The following NFATC2 variants were observed in gnomAD, a reference collection of about 807,000 sequenced individuals.
NFATC2 encodes the protein nuclear factor of activated T-cells, cytoplasmic 2.
Under a neutral mutation model 87.3 loss-of-function variants are expected in NFATC2, and 22 were observed. The ratio of observed to expected loss-of-function variants is 0.25; its 90% CI spans 0.18 to 0.36. The LOEUF is 0.36. NFATC2 is among the 10% of genes least tolerant of loss of function. NFATC2 has a pLI of 1.00. For missense variants in NFATC2, 1,149 were observed against 1,259.1 expected (o/e 0.91, Z 1.32); for synonymous variants, 565 against 542.2 (o/e 1.04, Z -0.58).
chr20:51,540,821 G>A (rs945295326), intron 1 of NFATC2, among the ~76,000 whole-genome samples: 5 of 151,742 alleles, frequency 3.3e-5, no homozygotes, highest in African/African-American at 1.2e-4. Flanking sequence ...CACCCCACCC[G>A]ACAAGGAAAA....
intron 4 of NFATC2, among the ~76,000 whole-genome samples, chr20:51,474,598 A>G (rs1202663433): frequency 8.5e-5 from 13 of 152,244 alleles, no homozygotes; most frequent in Admixed American, 8.5e-4. Flanking sequence ...CAAACAGTTC[A>G]GGAAAAAACG....
chr20:51,488,465 G>T (rs529211570), intron 3 of NFATC2, among the ~76,000 whole-genome samples: 57 of 152,294 alleles, frequency 3.7e-4, no homozygotes, highest in African/African-American at 1.4e-3. Flanking sequence ...CTACCCAGTA[G>T]GTAGCAGCAG....
At chr20:51,470,651 G>A (rs971103644) in intron 5 of NFATC2, among the ~76,000 whole-genome samples, 1 of 152,196 alleles carries the variant, frequency 6.6e-6, no homozygotes, top group Non-Finnish European at 1.5e-5. Context: ...CTCTGGCTTA[G>A]TCAGTATACA....
intron 1 of NFATC2, among the ~76,000 whole-genome samples, chr20:51,527,757 G>C (rs867823102): frequency 2.0e-5 from 3 of 152,130 alleles, no homozygotes; most frequent in Admixed American, 2.0e-4. Flanking sequence ...CCAAACACAC[G>C]TGCCCCCGGA....
At chr20:51,513,875 T>C (rs1039280845) in intron 3 of NFATC2, among the ~76,000 whole-genome samples, 5 of 152,240 alleles carry the variant, frequency 3.3e-5, no homozygotes, top group African/African-American at 1.2e-4. Flanking sequence ...CCCTTCAGGC[T>C]TTTTCTGCAC....
intron 3 of NFATC2, among the ~76,000 whole-genome samples, chr20:51,516,425 A>AT (rs2076352528): frequency 6.6e-6 from 1 of 152,198 alleles, no homozygotes; most frequent in Non-Finnish European, 1.5e-5. Flanking sequence ...AAAAATTACC[A>AT]TTTTTTCTTA....
At chr20:51,464,888 C>G (rs1987521624) in intron 5 of NFATC2, among the ~76,000 whole-genome samples, 1 of 152,254 alleles carries the variant, frequency 6.6e-6, no homozygotes, top group South Asian at 2.1e-4. Context: ...AAGCTCACTT[C>G]TCCATGCTAC....
At chr20:51,518,515 C>A (rs1268432249) in intron 2 of NFATC2, among the ~76,000 whole-genome samples, 1 of 152,212 alleles carries the variant, frequency 6.6e-6, no homozygotes, top group African/African-American at 2.4e-5. Flanking sequence ...TTCTTTCCAA[C>A]CACATTGCCT....
At chr20:51,445,831 G>A (rs992428500) in intron 6 of NFATC2, among the ~76,000 whole-genome samples, 8 of 152,220 alleles carry the variant, frequency 5.3e-5, no homozygotes, top group African/African-American at 1.9e-4. Flanking sequence ...GAAGCACCGG[G>A]GGCTGAGTGA....
chr20:51,550,752 T>G (rs553237208), intron 1 of NFATC2, among the ~76,000 whole-genome samples: 104 of 152,288 alleles, frequency 6.8e-4, no homozygotes, highest in African/African-American at 2.4e-3. Flanking sequence ...CAAAGACTAC[T>G]TTATAATGAG....
Position 51,389,968 on chromosome 20 carries a change from A to C in NFATC2, c.*1528T>G, listed in dbSNP as rs918993306. The C allele has an allele frequency of 3.3e-5, 5 of 152,240 alleles. No individual in the cohort carries two copies. Among genetic ancestry groups the C allele is most frequent in the African/African-American group, 1.2e-4 (5 of 41,456 alleles). 9.4% of individuals were successfully genotyped at this position (152,240 alleles called of 1,614,324 possible). A position where few individuals can be genotyped will look rare whatever the true frequency, so the allele number is the denominator to read the frequency against. On this transcript the variant is annotated 3_prime_UTR_variant, in exon 11 of 11. Coordinates refer to ENST00000371564, the MANE Select transcript of NFATC2 (RefSeq NM_012340.5). ...GAAACAACTGAATGGCTGAAAAATGAATCCCCCGCTTGTCCTGGGGTATCT... is the reference window on the plus strand; with the variant it reads ...GAAACAACTGAATGGCTGAAAAATGCATCCCCCGCTTGTCCTGGGGTATCT...
chr20:51,542,426 TG>T lies in NFATC2; in HGVS notation c.73del (p.Gln25LysfsTer15). 1.2e-6 allele frequency: 2 copies of T among 1,602,498 alleles called. No homozygotes were observed. The highest frequency in any genetic ancestry group is 1.1e-5 in the South Asian group (1 of 90,796). ...APGHEPGGSP[Q>X]DELDFSILFD... ...GAGGATGGAGAAGTCAAGCTCGTCT[TG>T]GGGGCTGCCCCCAGGCTCGTGGCCT... On this transcript the variant is annotated frameshift_variant, in exon 1 of 11. Transcript: ENST00000371564. LOFTEE classifies it high-confidence loss of function.
At chr20:51,415,424 G>A (rs1298697937) in intron 9 of NFATC2, among the ~76,000 whole-genome samples, 5 of 152,160 alleles carry the variant, frequency 3.3e-5, no homozygotes, top group African/African-American at 1.2e-4. Flanking sequence ...GCAGGTATCT[G>A]GATGGACCCG....
At chr20:51,457,628 A>G (rs1270248116) in intron 5 of NFATC2, among the ~76,000 whole-genome samples, 3 of 12,492 alleles carry the variant, frequency 2.4e-4, no homozygotes, top group Non-Finnish European at 7.7e-4. Flanking sequence ...CAGAAAAAAG[A>G]GAAAACACGC....
At chr20:51,532,209 C>T (rs1367752426) in intron 1 of NFATC2, among the ~76,000 whole-genome samples, 1 of 152,134 alleles carries the variant, frequency 6.6e-6, no homozygotes, top group Non-Finnish European at 1.5e-5. Context: ...TATCGTTTCC[C>T]CATTTTATAT....
rs1478809132 is a variant in NFATC2 at position 51,444,110 on chromosome 20, T to C, written c.1850-8349A>G. 3.3e-5 allele frequency among the ~76,000 whole-genome samples: 5 copies of C among 152,042 alleles called. No homozygotes were observed. In the South Asian group the frequency reaches 8.3e-4, roughly 25 times the overall value. On this transcript the variant is annotated intron_variant, in intron 6 of 10. Coordinates refer to ENST00000371564, the MANE Select transcript of NFATC2 (RefSeq NM_012340.5). Reference sequence around the variant, plus strand: ...GATTCTCCTGCCTCAGCCTCCCAAGTAGCTGGGATTACAGGCACATGCCAC... The same window carrying C: ...GATTCTCCTGCCTCAGCCTCCCAAGCAGCTGGGATTACAGGCACATGCCAC...
At chr20:51,486,299 T>C (rs952298003) in intron 3 of NFATC2, among the ~76,000 whole-genome samples, 7 of 152,042 alleles carry the variant, frequency 4.6e-5, no homozygotes, top group Admixed American at 3.3e-4. Flanking sequence ...ACCAGCTTCA[T>C]CTCCCCAACT....
chr20:51,504,182 C>A (rs558138409), intron 3 of NFATC2, among the ~76,000 whole-genome samples: 3 of 152,276 alleles, frequency 2.0e-5, no homozygotes, highest in African/African-American at 7.2e-5. Flanking sequence ...ACCACCACAC[C>A]CAGCTAATTT....
chr20:51,539,991 G>T (rs2076780444), intron 1 of NFATC2, among the ~76,000 whole-genome samples: 1 of 152,140 alleles, frequency 6.6e-6, no homozygotes, highest in African/African-American at 2.4e-5. Context: ...TAGCATTAAT[G>T]ATAAATGACA....
Sources: gnomAD v4.1 joint callset for allele counts (sites outside exome capture counted in the v4.1 genomes callset) on GRCh38, gnomAD v4.1.1 for gene constraint, MANE v1.5 for transcripts, NCBI Gene and HGNC (gene_info 2026-07-23, HGNC 2026-07-21) for gene names.